ITCH: variants seen among roughly 807,000 people sequenced by gnomAD.
The protein encoded by ITCH is itchy E3 ubiquitin protein ligase, also known as E3 ubiquitin-protein ligase Itchy homolog.
A neutral mutation model predicts 126.8 loss-of-function variants in ITCH; 28 were observed. The ratio of observed to expected loss-of-function variants is 0.22; its 90% CI spans 0.16 to 0.30. ITCH has a LOEUF of 0.30. Among genes scored for constraint, ITCH ranks in the 10% least tolerant of loss-of-function variants. The pLI is 1.00. For synonymous variants in ITCH, 342 were observed against 340.0 expected (o/e 1.01, Z -0.06); for missense variants, 631 against 1,032.4 (o/e 0.61, Z 5.33).
At chr20:34,383,698 TA>T (rs1441856565) in intron 2 of ITCH, among the ~76,000 whole-genome samples, 6 of 152,008 alleles carry the variant, frequency 3.9e-5, no homozygotes, top group South Asian at 4.2e-4. Flanking sequence ...TATTTATTAT[TA>T]TTTTTTTTAA....
chr20:34,392,599 G>T (rs146416167), intron 2 of ITCH, among the ~76,000 whole-genome samples: 2 of 152,174 alleles, frequency 1.3e-5, no homozygotes, highest in Non-Finnish European at 2.9e-5. Flanking sequence ...TCAAGACAGC[G>T]TTTACAGTTT....
chr20:34,432,602 C>T (rs145358376), intron 7 of ITCH, among the ~76,000 whole-genome samples: 6 of 152,168 alleles, frequency 3.9e-5, no homozygotes, highest in East Asian at 1.9e-4. Flanking sequence ...TTTTATTTTG[C>T]GGTACATAAT....
chr20:34,424,421 A>G, intron 6 of ITCH, 59 bp from the exon 7 acceptor site: 1 of 1,353,832 alleles, frequency 7.4e-7, no homozygotes, highest in Non-Finnish European at 1.1e-6. Flanking sequence ...TTTAGAAAAG[A>G]AAAAACATGA....
intron 1 of ITCH, among the ~76,000 whole-genome samples, chr20:34,364,210 GGCCA>G (rs1333911330): frequency 2.6e-5 from 4 of 152,100 alleles, no homozygotes; most frequent in African/African-American, 9.7e-5. Flanking sequence ...ACTTGTAAAG[GGCCA>G]GGAATTCATT....
intron 2 of ITCH, among the ~76,000 whole-genome samples, chr20:34,381,194 A>T (rs2038047362): frequency 6.6e-6 from 1 of 151,164 alleles, no homozygotes; most frequent in Admixed American, 6.6e-5. Flanking sequence ...TGAGCCCAGG[A>T]GTTGGAGACC....
At chr20:34,426,268 CTG>C (rs1364725918) in intron 7 of ITCH, among the ~76,000 whole-genome samples, 3 of 152,132 alleles carry the variant, frequency 2.0e-5, no homozygotes, top group Non-Finnish European at 4.4e-5. Flanking sequence ...ATGTCACAGA[CTG>C]TGAGGGAAAA....
intron 23 of ITCH, among the ~76,000 whole-genome samples, chr20:34,495,291 TAAA>T (rs1345021928): frequency 0.12 from 15,394 of 125,992 alleles, 892 homozygotes; most frequent in Non-Finnish European, 0.13. Flanking sequence ...AATAAATAAA[TAAA>T]ATATATATAT....
At chr20:34,487,091 A>T (rs1338514879) in intron 20 of ITCH, among the ~76,000 whole-genome samples, 4 of 141,350 alleles carry the variant, frequency 2.8e-5, no homozygotes, top group Non-Finnish European at 6.0e-5. Flanking sequence ...GGCTCACTCT[A>T]AGCTCCGCTC....
At chr20:34,368,462 C>T (rs1030534503) in intron 1 of ITCH, among the ~76,000 whole-genome samples, 1 of 151,026 alleles carries the variant, frequency 6.6e-6, no homozygotes, top group Non-Finnish European at 1.5e-5. Flanking sequence ...AAATTCTGGG[C>T]TCATAATAAG....
intron 16 of ITCH, chr20:34,476,335 G>T: frequency 7.9e-7 from 1 of 1,273,340 alleles, no homozygotes; most frequent in Non-Finnish European, 1.1e-6. Flanking sequence ...GCTCGCCTCC[G>T]CGCTCCGGCC....
At chr20:34,455,474 ATTTTT>A (rs1199707564) in intron 12 of ITCH, among the ~76,000 whole-genome samples, 1 of 139,098 alleles carries the variant, frequency 7.2e-6, no homozygotes, top group Admixed American at 7.3e-5. Flanking sequence ...TGATATCCAC[ATTTTT>A]TTTTTTTTTT....
chr20:34,495,294 A>AATATATATATAT lies in ITCH; in HGVS notation c.2416+2709_2416+2720dup, dbSNP rs56706640. ...AATAAATAAATAAATAAATAAATAAAATATATATATATATATATATATACA... is the reference window on the plus strand; with the variant it reads ...AATAAATAAATAAATAAATAAATAAAATATATATATATATATATATATATATATATATATACA... On this transcript the variant is annotated intron_variant, in intron 23 of 24. Coordinates refer to ENST00000374864, the MANE Select transcript of ITCH (RefSeq NM_031483.7). Among the ~76,000 whole-genome samples, 101 of 120,470 alleles carry AATATATATATAT rather than the reference A, an allele frequency of 8.4e-4. 1 individual carries two copies. The highest frequency in any genetic ancestry group is 3.1e-3 in the African/African-American group (99 of 31,868). 79.0% of individuals were successfully genotyped at this position (120,470 alleles called of 152,430 possible). A position where few individuals can be genotyped will look rare whatever the true frequency, so the allele number is the denominator to read the frequency against.
intron 24 of ITCH, 151 bp downstream of exon 24, chr20:34,504,554 C>G (rs1038233022): frequency 2.1e-5 from 14 of 651,324 alleles, no homozygotes; most frequent in Admixed American, 5.0e-5. Context: ...TTTGTTCACC[C>G]CTGTATGATT....
rs1978435739 is a variant in ITCH at position 34,508,745 on chromosome 20, T to A, written c.*951T>A. ...TGAATTCATCTAAAGATGTCTCTGGTGATTTTTATATGTTCCGCTATATAA... is the reference window on the plus strand; with the variant it reads ...TGAATTCATCTAAAGATGTCTCTGGAGATTTTTATATGTTCCGCTATATAA... On this transcript the variant is annotated 3_prime_UTR_variant, in exon 25 of 25. Transcript: ENST00000374864. 6.6e-6 allele frequency: 1 copy of A among 152,224 alleles called. No homozygotes were observed. The highest frequency in any genetic ancestry group is 1.5e-5 in the Non-Finnish European group (1 of 68,044). 9.4% of individuals were successfully genotyped at this position (152,224 alleles called of 1,614,324 possible).
intron 16 of ITCH, among the ~76,000 whole-genome samples, 198 bp from the exon 17 acceptor site, chr20:34,477,573 TA>T (rs1988350552): frequency 6.6e-6 from 1 of 152,086 alleles, no homozygotes; most frequent in African/African-American, 2.4e-5. Flanking sequence ...TATATAAAAA[TA>T]TAGATGTATA....
chr20:34,467,158 A>C (rs1450006208), intron 14 of ITCH, among the ~76,000 whole-genome samples: 1 of 152,240 alleles, frequency 6.6e-6, no homozygotes, highest in Non-Finnish European at 1.5e-5. Context: ...TCTTTGAAAG[A>C]TATGTCACCA....
chr20:34,462,181 A>G lies in ITCH; in HGVS notation c.1384A>G (p.Thr462Ala). 6.2e-7 allele frequency: 1 copy of G among 1,613,876 alleles called. No homozygotes were observed. Among genetic ancestry groups the G allele is most frequent in the East Asian group, 2.2e-5 (1 of 44,850 alleles). The change falls in exon 14 of 25, where the codon ACT becomes GCT. Residue 462 changes from threonine to alanine, a missense_variant. Transcript: ENST00000374864. Reference sequence around the variant, plus strand: ...ATATTTTGTGGACCACAATAGAAGAACTACCACCTATATAGATCCCCGCAC... The same window carrying G: ...ATATTTTGTGGACCACAATAGAAGAGCTACCACCTATATAGATCCCCGCAC... ...IPYFVDHNRR[T>A]TTYIDPRTGK...
intron 2 of ITCH, among the ~76,000 whole-genome samples, chr20:34,379,712 A>G (rs1457281712): frequency 6.7e-6 from 1 of 149,062 alleles, no homozygotes; most frequent in Non-Finnish European, 1.5e-5. Context: ...CTCCTGCCTC[A>G]GCCTCCCAAG....
chr20:34,436,277 A>G (rs1432975464), intron 7 of ITCH, among the ~76,000 whole-genome samples: 11 of 152,188 alleles, frequency 7.2e-5, no homozygotes, highest in Non-Finnish European at 1.0e-4. Flanking sequence ...AGTCAAGATA[A>G]TACATTTTAG....
Sources: allele counts gnomAD v4.1 joint callset (sites outside exome capture counted in the v4.1 genomes callset), GRCh38; gene constraint gnomAD v4.1.1; transcripts MANE v1.5; gene names NCBI Gene and HGNC (gene_info 2026-07-23, HGNC 2026-07-21).